The following KIR3DL2 variants were observed in gnomAD, a reference collection of about 807,000 sequenced individuals.
KIR3DL2 encodes the protein killer cell immunoglobulin like receptor, three Ig domains and long cytoplasmic tail 2.
Under a neutral mutation model 41.6 loss-of-function variants are expected in KIR3DL2, and 42 were observed. The ratio of observed to expected loss-of-function variants is 1.01; its 90% CI spans 0.79 to 1.31. The LOEUF (loss-of-function observed/expected upper bound fraction) is 1.31, where lower values mean the gene tolerates loss of function less well. KIR3DL2 is among the 50% of genes most tolerant of loss of function. The pLI is 0.00. For missense variants in KIR3DL2, 728 were observed against 576.8 expected, an observed-to-expected ratio of 1.26 and a Z score of -2.68; for synonymous variants, 230 against 221.3, an observed-to-expected ratio of 1.04 and a Z score of -0.35.
In KIR3DL2 at chr19:54,866,771, C is replaced by G. The variant is rs539943715; in HGVS notation, c.*40C>G. On this transcript the variant is annotated 3_prime_UTR_variant, in exon 9 of 9. Transcript: ENST00000326321. ...TGTCTCAAAACCAGGTTGCCAGATC[C>G]AATGAACCAGCAGCTGGAATCTGAA... The G allele has an allele frequency of 1.9e-6, 3 of 1,598,976 alleles. No homozygotes were observed. In the South Asian group the frequency reaches 3.3e-5, roughly 18 times the overall value.
rs1245961893 is a variant in KIR3DL2, at chr19:54,851,767, G to T, written c.71-231G>T. Among the ~76,000 whole-genome samples, 92 of 151,874 alleles carry T rather than the reference G, an allele frequency of 6.1e-4. 3 individuals carry two copies. The highest frequency in any genetic ancestry group is 2.1e-3 in the African/African-American group (88 of 41,166). ...TGTGTTGTTTTATGTGAGTAATTTT[G>T]CAGTATTAAAATCTAGTAAGAGTCA... On this transcript the variant is annotated intron_variant, in intron 2 of 8. Coordinates refer to ENST00000326321, the MANE Select transcript of KIR3DL2 (RefSeq NM_006737.4).
intron 6 of KIR3DL2, among the ~76,000 whole-genome samples, chr19:54,860,333 T>C (rs2065082867): frequency 6.6e-6 from 1 of 152,082 alleles, no homozygotes; most frequent in African/African-American, 2.4e-5. Flanking sequence ...AATGATCTAT[T>C]GAGAAGCATC....
At position 54,866,563 on chromosome 19, in the gene KIR3DL2, G is replaced by C; in HGVS notation, c.1200G>C (p.Gln400His). The C allele has an allele frequency of 6.2e-7, 1 of 1,614,026 alleles. No homozygotes were observed. Among genetic ancestry groups the C allele is most frequent in the Non-Finnish European group, 8.5e-7 (1 of 1,179,972 alleles). The change falls in exon 9 of 9, where the codon CAG (glutamine) becomes CAC (histidine). Residue 400 changes from glutamine (Q) to histidine (H), a missense_variant. Gln to His is a conservative substitution (Grantham distance 24). Transcript: ENST00000326321. ...ACCCTCAGGAGGTGACGTACGCACA[G>C]TTGGATCACTGCGTTTTCATACAGA... is the stretch of plus-strand genomic sequence containing the variant. ...EQDPQEVTYA[Q>H]LDHCVFIQRK...
chr19:54,853,583 A>G (rs376332150), intron 3 of KIR3DL2, among the ~76,000 whole-genome samples, 164 bp from the exon 4 acceptor site: 2 of 151,442 alleles, frequency 1.3e-5, no homozygotes, highest in African/African-American at 4.9e-5. Context: ...GAGGAAGACA[A>G]ATGGAGGGAC....
At chr19:54,858,592 G>A (rs1275471203) in intron 5 of KIR3DL2, among the ~76,000 whole-genome samples, 1 of 151,356 alleles carries the variant, frequency 6.6e-6, no homozygotes, top group Middle Eastern at 3.2e-3. Context: ...AGCTGAGCAT[G>A]GTGATCAGTG....
chr19:54,851,279 G>A, intron 2 of KIR3DL2, 24 bp downstream of exon 2: 14 of 1,602,360 alleles, frequency 8.7e-6, no homozygotes, highest in Non-Finnish European at 1.2e-5. Context: ...CAAACCTTAG[G>A]GTGTCATCTC....
chr19:54,864,187 G>C (rs2065357954), intron 6 of KIR3DL2, among the ~76,000 whole-genome samples: 1 of 152,042 alleles, frequency 6.6e-6, no homozygotes, highest in Non-Finnish European at 1.5e-5. Context: ...CATTATTTCT[G>C]AGGGCTCTAT....
At position 54,852,017 on chromosome 19, in the gene KIR3DL2, C is replaced by A. The variant is rs1157624168; in HGVS notation, c.90C>A (p.Phe30Leu). Residue 30 changes from phenylalanine (F) to leucine (L), a missense_variant, in exon 3 of 9, where the codon TTC becomes TTA. Physicochemically the swap from Phe to Leu is conservative, Grantham distance 22. Transcript: ENST00000326321. Reference sequence around the variant, plus strand: ...CCCCAGGTGGTCAGGACAAACCCTTCCTGTCTGCCCGGCCCAGCACTGTGG... The same window carrying A: ...CCCCAGGTGGTCAGGACAAACCCTTACTGTCTGCCCGGCCCAGCACTGTGG... ...WPLMGGQDKP[F>L]LSARPSTVVP... The A allele has an allele frequency of 6.2e-7, 1 of 1,610,854 alleles. No individual in the cohort carries two copies. Among genetic ancestry groups the A allele is most frequent in the Non-Finnish European group, 8.5e-7 (1 of 1,178,344 alleles).
rs1245165833 is a variant in KIR3DL2 at position 54,858,435 on chromosome 19, G to T, written c.950-644G>T. On this transcript the variant is annotated intron_variant, in intron 5 of 8. Coordinates refer to ENST00000326321, the MANE Select transcript of KIR3DL2 (RefSeq NM_006737.4). ...GTAAGTTCTCGGCACCTTTGTCAAA[G>T]TCCATTAAATGGGCTGGGTATGGTG... Among the ~76,000 whole-genome samples, 16 of 148,672 alleles carry T rather than the reference G, an allele frequency of 1.1e-4. No homozygotes were observed. The South Asian group carries it at 3.2e-3, about 30-fold the overall frequency.
intron 7 of KIR3DL2, 128 bp downstream of exon 7, chr19:54,866,037 C>A (rs2145740981): frequency 1.1e-6 from 1 of 877,298 alleles, no homozygotes. Flanking sequence ...AGAGGCAGGG[C>A]TTTCTAGAGA....
chr19:54,861,563 G>T (rs1323210298), intron 6 of KIR3DL2, among the ~76,000 whole-genome samples: 1 of 151,612 alleles, frequency 6.6e-6, no homozygotes, highest in Non-Finnish European at 1.5e-5. Context: ...GCAGGAGAAT[G>T]ACTTCAGCCC....
intron 6 of KIR3DL2, among the ~76,000 whole-genome samples, chr19:54,865,472 G>A (rs1375194969): frequency 5.3e-5 from 8 of 152,036 alleles, no homozygotes; most frequent in African/African-American, 1.9e-4. Context: ...CCATCATGTG[G>A]GGCAGCATTA....
Position 54,866,824 on chromosome 19 carries a change from C to G in KIR3DL2, c.*93C>G. On this transcript the variant is annotated 3_prime_UTR_variant, in exon 9 of 9. Coordinates refer to ENST00000326321, the MANE Select transcript of KIR3DL2 (RefSeq NM_006737.4). ...CATCAGTCTGCATCTTAGGGGATCGCTCTTCCTCACACCACGAATCTGAAC... is the reference window on the plus strand; with the variant it reads ...CATCAGTCTGCATCTTAGGGGATCGGTCTTCCTCACACCACGAATCTGAAC... 3 of 1,337,492 alleles carry G rather than the reference C, an allele frequency of 2.2e-6. No homozygotes were observed. Among genetic ancestry groups the G allele is most frequent in the Non-Finnish European group, 3.2e-6 (3 of 946,614 alleles). The allele number at this position is 1,337,492 out of a possible 1,614,324, so 82.9% of individuals were successfully genotyped here. A position where few individuals can be genotyped will look rare whatever the true frequency, so the allele number is the denominator to read the frequency against.
rs1350111237 is a variant in KIR3DL2 at position 54,857,991 on chromosome 19, G to A, written c.950-1088G>A. 4.9e-3 allele frequency among the ~76,000 whole-genome samples: 737 copies of A among 148,954 alleles called. 23 individuals carry two copies. The highest frequency in any genetic ancestry group is 0.044 in the Admixed American group (657 of 14,990). On this transcript the variant is annotated intron_variant, in intron 5 of 8. Transcript: ENST00000326321. ...AAATGTCTCCTCATGTCTTTTGCTC[G>A]TTTTTTAATTAAATTGTTTTATTGA...
At position 54,866,728 on chromosome 19, in the gene KIR3DL2, C is replaced by A. The variant is rs866711686; in HGVS notation, c.1365C>A (p.Phe455Leu). 1.2e-6 allele frequency: 2 copies of A among 1,613,554 alleles called. No homozygotes were observed. Among genetic ancestry groups the A allele is most frequent in the Admixed American group, 3.3e-5 (2 of 59,954 alleles). ...CACAGTCAGGTCTTGAGGGGGTTTT[C>A]TAGGGAGACAACAGCCCTGTCTCAA... ...RAPQSGLEGV[F>L] The change falls in exon 9 of 9, where the codon TTC becomes TTA. Residue 455 changes from phenylalanine to leucine, a missense_variant. Coordinates refer to ENST00000326321, the MANE Select transcript of KIR3DL2 (RefSeq NM_006737.4).
chr19:54,859,912 A>G (rs368222165), intron 6 of KIR3DL2, among the ~76,000 whole-genome samples: 3 of 150,818 alleles, frequency 2.0e-5, no homozygotes, highest in Admixed American at 6.6e-5. Flanking sequence ...GCCCACAAAG[A>G]CTGGTCACAT....
intron 5 of KIR3DL2, among the ~76,000 whole-genome samples, chr19:54,858,576 A>G (rs2064960091): frequency 1.3e-5 from 2 of 151,380 alleles, no homozygotes; most frequent in African/African-American, 2.4e-5. Flanking sequence ...TAAAAATACA[A>G]AAATTAGCTG....
At position 54,851,234 on chromosome 19, in the gene KIR3DL2, C is replaced by A; in HGVS notation, c.49C>A (p.Gln17Lys). The stretch of plus-strand genomic sequence containing the variant: ...TTTCTTTCCAGGGTTCTTCTTGCTG[C>A]AGGGGGCCTGGCCACTCATGGGTGA... ...SMACVGFFLL[Q>K]GAWPLMGGQD... The change falls in exon 2 of 9, where the codon CAG becomes AAG. Residue 17 changes from glutamine (Q) to lysine (K), a missense_variant. Gln to Lys is a moderately conservative substitution (Grantham distance 53). Coordinates refer to ENST00000326321, the MANE Select transcript of KIR3DL2 (RefSeq NM_006737.4). 6.2e-7 allele frequency: 1 copy of A among 1,609,800 alleles called. No individual in the cohort carries two copies. The highest frequency in any genetic ancestry group is 8.5e-7 in the Non-Finnish European group (1 of 1,178,236).
chr19:54,856,782 T>A (rs1374287165), intron 5 of KIR3DL2, among the ~76,000 whole-genome samples: 1 of 151,912 alleles, frequency 6.6e-6, no homozygotes, highest in Admixed American at 6.5e-5. Flanking sequence ...CTTCATGAGA[T>A]CCACCTTTTA....
Sources: allele counts gnomAD v4.1 joint callset (sites outside exome capture counted in the v4.1 genomes callset), GRCh38; gene constraint gnomAD v4.1.1; transcripts MANE v1.5; gene names NCBI Gene and HGNC (gene_info 2026-07-23, HGNC 2026-07-21).